Variants in NDRG4 observed in about 807,000 individuals in gnomAD.
NDRG4 encodes the protein protein NDRG4.
Under a neutral mutation model 55.8 loss-of-function variants are expected in NDRG4, and 38 were observed. The observed-to-expected ratio is 0.68, with a 90% CI of 0.53 to 0.89. The LOEUF is 0.89. NDRG4 is among the 40% of genes least tolerant of loss of function. The probability of loss-of-function intolerance (pLI) is 0.00; values close to 1 mark genes in which losing one functional copy is unlikely to be tolerated. For missense variants in NDRG4, 455 were observed against 468.6 expected (o/e 0.97, Z 0.27); for synonymous variants, 190 against 182.7 (o/e 1.04, Z -0.32).
chr16:58,514,765 A>AG (rs2039064984), downstream of NDRG4, among the ~76,000 whole-genome samples: 1 of 62,790 alleles, frequency 1.6e-5, no homozygotes, highest in Non-Finnish European at 2.9e-5. Flanking sequence ...AAAAAAAAAA[A>AG]GGAAAAAAAA....
intron 2 of NDRG4, among the ~76,000 whole-genome samples, chr16:58,492,630 C>A (rs1597208287): frequency 6.6e-6 from 1 of 152,044 alleles, no homozygotes; most frequent in East Asian, 1.9e-4. Flanking sequence ...CAGCCTGGAC[C>A]TCCTGGGCTC....
At chr16:58,509,645 G>A (rs1469095320) in intron 13 of NDRG4, among the ~76,000 whole-genome samples, 4 of 152,180 alleles carry the variant, frequency 2.6e-5, no homozygotes, top group Non-Finnish European at 4.4e-5. Flanking sequence ...TCTTCCTTCC[G>A]TGCTGGGGGT....
At chr16:58,482,978 G>T (rs1008238970) in intron 1 of NDRG4, among the ~76,000 whole-genome samples, 1 of 152,042 alleles carries the variant, frequency 6.6e-6, no homozygotes, top group African/African-American at 2.4e-5. Context: ...TAGAGACAGG[G>T]TTTCGCCATG....
intron 1 of NDRG4, among the ~76,000 whole-genome samples, chr16:58,477,180 A>G (rs554049639): frequency 2.0e-4 from 30 of 151,014 alleles, no homozygotes; most frequent in African/African-American, 6.1e-4. Flanking sequence ...ATATATATGT[A>G]TGTGTGTGTG....
chr16:58,511,943 G>C lies in NDRG4; in HGVS notation c.*367G>C. On this transcript the variant is annotated 3_prime_UTR_variant, in exon 15 of 15. Transcript: ENST00000570248. Reference sequence around the variant, plus strand: ...GATGAGAGAGGCTTCGAGAGGGTGGGTGCTGGGCCACAGGGGTGCGGGGCC... The same window carrying C: ...GATGAGAGAGGCTTCGAGAGGGTGGCTGCTGGGCCACAGGGGTGCGGGGCC... 1 of 457,380 alleles carries C rather than the reference G, an allele frequency of 2.2e-6. No homozygotes were observed. Among genetic ancestry groups the C allele is most frequent in the Non-Finnish European group, 4.3e-6 (1 of 230,794 alleles). The allele number at this position is 457,380 out of a possible 1,614,324, so 28.3% of individuals were successfully genotyped here.
At chr16:58,507,761 G>A (rs757433661) in intron 8 of NDRG4, 47 bp from the exon 9 acceptor site, 84 of 1,592,872 alleles carry the variant, frequency 5.3e-5, no homozygotes, top group Admixed American at 2.3e-4. Context: ...CCCTCATCCT[G>A]TCCTGGGGTG....
chr16:58,507,948 C>T lies in NDRG4; in HGVS notation c.678C>T (p.Arg226=), dbSNP rs766705091. 3 of 1,607,556 alleles carry T rather than the reference C, an allele frequency of 1.9e-6. No homozygotes were observed. Among genetic ancestry groups the T allele is most frequent in the Non-Finnish European group, 2.6e-6 (3 of 1,175,366 alleles). ...PGTVPNAKTL[R]CPVMLVVGDN... ...CAGCCCTTTTCCTCTGTATCTGCAG[C>T]TGCCCCGTGATGCTGGTGGTTGGGG... The change falls in exon 10 of 15, where the codon CGC becomes CGT. Residue 226 remains arginine (R), a splice_region_variant and synonymous_variant. Coordinates refer to ENST00000570248, the MANE Select transcript of NDRG4 (RefSeq NM_001242835.2).
chr16:58,464,460 G>A lies in NDRG4; in HGVS notation c.-24+663G>A. 7.5e-7 allele frequency: 1 copy of A among 1,338,118 alleles called. No individual in the cohort carries two copies. 82.9% of individuals were successfully genotyped at this position (1,338,118 alleles called of 1,614,324 possible). A position where few individuals can be genotyped will look rare whatever the true frequency, so the allele number is the denominator to read the frequency against. ...AGGTGCTGGGACACCGGCTGGAGCT[G>A]CTCACAGGTACCGCCCGCCTGCCCC... is the stretch of plus-strand genomic sequence containing the variant. On this transcript the variant is annotated intron_variant, in intron 1 of 15. Coordinates refer to the NDRG4 transcript ENST00000258187. This position sits in a 1 kb window ranked among gnomAD's most constrained non-coding sequence, Gnocchi z 4.8.
At chr16:58,509,990 C>A (rs1233898216) in intron 13 of NDRG4, among the ~76,000 whole-genome samples, 3 of 152,182 alleles carry the variant, frequency 2.0e-5, no homozygotes, top group Non-Finnish European at 4.4e-5. Flanking sequence ...CCTTGACTTC[C>A]CCCTTCCCTC....
At chr16:58,474,028 C>A (rs1202039324) in intron 1 of NDRG4, among the ~76,000 whole-genome samples, 1 of 101,172 alleles carries the variant, frequency 9.9e-6, no homozygotes, top group Non-Finnish European at 1.9e-5. Context: ...TTTTCTTTCC[C>A]TTTTTTTTTT....
Position 58,492,879 on chromosome 16 carries a change from C to T in NDRG4, c.73-2085C>T, listed in dbSNP as rs117095327. On this transcript the variant is annotated intron_variant, in intron 2 of 15. Coordinates refer to the NDRG4 transcript ENST00000258187. ...TCAGCCCCAGGCCCTTGTCCTCCCC[C>T]TCCAGCCCCATCCTTTCCCTCCTCT... 7.4e-3 allele frequency among the ~76,000 whole-genome samples: 1,126 copies of T among 152,224 alleles called. 13 individuals carry two copies. Among genetic ancestry groups the T allele is most frequent in the Non-Finnish European group, 0.012 (800 of 68,020 alleles).
chr16:58,468,748 A>G (rs190003000), intron 1 of NDRG4, among the ~76,000 whole-genome samples: 100 of 152,266 alleles, frequency 6.6e-4, no homozygotes, highest in Non-Finnish European at 1.2e-3. Context: ...CCAAGATGAT[A>G]CTTGTGAGGG....
chr16:58,507,078 C>CT, intron 8 of NDRG4, 63 bp downstream of exon 8: 3 of 1,298,468 alleles, frequency 2.3e-6, no homozygotes, highest in Non-Finnish European at 3.3e-6. Flanking sequence ...TGCACACTGC[C>CT]CCCTGAGGGA....
chr16:58,488,502 T>C (rs2035397992), intron 2 of NDRG4, among the ~76,000 whole-genome samples: 2 of 152,120 alleles, frequency 1.3e-5, no homozygotes, highest in Admixed American at 1.3e-4. Context: ...TTTCAAAAAG[T>C]GTGGGTTCCC....
Position 58,464,732 on chromosome 16 carries a change from C to G in NDRG4, c.-24+935C>G. On this transcript the variant is annotated intron_variant, in intron 1 of 15. Coordinates refer to the NDRG4 transcript ENST00000258187. This position sits in a 1 kb window ranked among gnomAD's most constrained non-coding sequence, Gnocchi z 4.8. ...CATGGGGTCTCTGACCAGCGGAGCTCGGATTAGGACCCTGAAAGCTAGCTC... is the reference window on the plus strand; with the variant it reads ...CATGGGGTCTCTGACCAGCGGAGCTGGGATTAGGACCCTGAAAGCTAGCTC... 1 of 1,260,702 alleles carries G rather than the reference C, an allele frequency of 7.9e-7. No homozygotes were observed. The highest frequency in any genetic ancestry group is 1.0e-6 in the Non-Finnish European group (1 of 1,001,722). 78.1% of individuals were successfully genotyped at this position (1,260,702 alleles called of 1,614,324 possible).
intron 1 of NDRG4, among the ~76,000 whole-genome samples, chr16:58,474,939 C>G (rs56379581): frequency 0.024 from 3,724 of 152,296 alleles, 57 homozygotes; most frequent in Non-Finnish European, 0.038. Context: ...CTGGGAGTTG[C>G]TTGGAACAGA....
At chr16:58,510,540 ATC>A in intron 13 of NDRG4, 103 bp from the exon 14 acceptor site, 1 of 963,458 alleles carries the variant, frequency 1.0e-6, no homozygotes, top group South Asian at 1.4e-5. Flanking sequence ...CCTTTGTCCC[ATC>A]TCTCTGGCTC....
chr16:58,468,867 T>G (rs2032247847), intron 1 of NDRG4, among the ~76,000 whole-genome samples: 2 of 152,114 alleles, frequency 1.3e-5, no homozygotes, highest in South Asian at 4.1e-4. Flanking sequence ...GTGTGATATG[T>G]GAAAGTGGGA....
intron 1 of NDRG4, among the ~76,000 whole-genome samples, chr16:58,471,231 T>C (rs1003115669): frequency 7.0e-6 from 1 of 143,286 alleles, no homozygotes; most frequent in Non-Finnish European, 1.5e-5. Context: ...GGTCGTACTC[T>C]GTTGTCCAGG....
Sources: allele counts gnomAD v4.1 joint callset (sites outside exome capture counted in the v4.1 genomes callset), GRCh38; gene constraint gnomAD v4.1.1; non-coding constraint Gnocchi (gnomAD v3.1); transcripts MANE v1.5; gene names NCBI Gene and HGNC (gene_info 2026-07-23, HGNC 2026-07-21).